The following CDH13 variants were observed in gnomAD, a reference collection of about 807,000 sequenced individuals.
CDH13 encodes the protein cadherin 13.
In CDH13, 24 loss-of-function variants were observed where a neutral mutation model predicts 63.8. The observed-to-expected ratio is 0.38, with a 90% CI of 0.27 to 0.53. The LOEUF (loss-of-function observed/expected upper bound fraction) is 0.53. Among genes scored for constraint, CDH13 ranks in the 20% least tolerant of loss-of-function variants. The probability of loss-of-function intolerance (pLI) is 0.85; values close to 1 mark genes in which losing one functional copy is unlikely to be tolerated. For synonymous variants in CDH13, 503 were observed against 355.3 expected, an observed-to-expected ratio of 1.42 and a Z score of -4.67; for missense variants, 1,049 against 903.1, an observed-to-expected ratio of 1.16 and a Z score of -2.07.
intron 1 of CDH13, among the ~76,000 whole-genome samples, chr16:82,855,018 C>A (rs974140324): frequency 6.6e-6 from 1 of 152,122 alleles, no homozygotes; most frequent in Non-Finnish European, 1.5e-5. Flanking sequence ...ATTCTTACCT[C>A]ACTAAGTCAC....
chr16:83,062,511 T>TC (rs2151525657), intron 3 of CDH13, among the ~76,000 whole-genome samples: 1 of 152,240 alleles, frequency 6.6e-6, no homozygotes, highest in South Asian at 2.1e-4. Context: ...TGTCTCATGG[T>TC]CCCAGGGATC....
chr16:83,606,615 T>A (rs891560795), intron 8 of CDH13, among the ~76,000 whole-genome samples: 3 of 151,428 alleles, frequency 2.0e-5, no homozygotes, highest in African/African-American at 7.3e-5. Context: ...TAGTCCCAGC[T>A]ACCTGGGAGG....
intron 5 of CDH13, among the ~76,000 whole-genome samples, chr16:83,280,190 A>G (rs949686931): frequency 4.6e-5 from 7 of 152,192 alleles, no homozygotes; most frequent in Admixed American, 1.3e-4. Flanking sequence ...CATTTTACCT[A>G]CTGCAGAACT....
At chr16:82,689,477 C>A (rs1915420509) in intron 1 of CDH13, among the ~76,000 whole-genome samples, 1 of 152,144 alleles carries the variant, frequency 6.6e-6, no homozygotes, top group Non-Finnish European at 1.5e-5. Context: ...CAAGTCTCTT[C>A]CAAACTGAAT....
At chr16:83,111,301 A>G (rs2035046233) in intron 3 of CDH13, among the ~76,000 whole-genome samples, 2 of 152,376 alleles carry the variant, frequency 1.3e-5, no homozygotes, top group Middle Eastern at 3.4e-3. Flanking sequence ...TAGTGCCATG[A>G]TAGAAGAATG....
chr16:82,822,848 T>C (rs2038066442), intron 1 of CDH13, among the ~76,000 whole-genome samples: 1 of 152,234 alleles, frequency 6.6e-6, no homozygotes, highest in Non-Finnish European at 1.5e-5. Flanking sequence ...ACCATTTTAT[T>C]ATCGTCTCTC....
intron 7 of CDH13, among the ~76,000 whole-genome samples, chr16:83,568,016 T>G (rs1420773064): frequency 6.6e-6 from 1 of 152,166 alleles, no homozygotes; most frequent in Admixed American, 6.5e-5. Flanking sequence ...GTACACCTCA[T>G]TACTTCACCT....
chr16:82,880,383 C>T (rs566423385), intron 2 of CDH13, among the ~76,000 whole-genome samples: 4 of 152,232 alleles, frequency 2.6e-5, no homozygotes, highest in African/African-American at 4.8e-5. Context: ...CTTCATATAT[C>T]GGTGGTACTA....
At chr16:82,836,646 A>G (rs2038779911) in intron 1 of CDH13, among the ~76,000 whole-genome samples, 1 of 152,118 alleles carries the variant, frequency 6.6e-6, no homozygotes, top group Non-Finnish European at 1.5e-5. Context: ...GGCATTTTTT[A>G]CTGCTGCCTT....
intron 4 of CDH13, among the ~76,000 whole-genome samples, chr16:83,190,533 G>T (rs1426744669): frequency 6.6e-6 from 1 of 152,106 alleles, no homozygotes; most frequent in African/African-American, 2.4e-5. Context: ...TACTGTTCTA[G>T]GTACATATGA....
At chr16:83,110,255 T>G (rs1432223645) in intron 3 of CDH13, among the ~76,000 whole-genome samples, 2 of 152,218 alleles carry the variant, frequency 1.3e-5, no homozygotes, top group East Asian at 1.9e-4. Context: ...AACTGCTGCT[T>G]CTTTAAAATA....
At chr16:82,701,681 G>T (rs1279932404) in intron 1 of CDH13, among the ~76,000 whole-genome samples, 1 of 152,074 alleles carries the variant, frequency 6.6e-6, no homozygotes, top group African/African-American at 2.4e-5. Flanking sequence ...AGCAATCCCA[G>T]ACTCACAGCC....
intron 1 of CDH13, among the ~76,000 whole-genome samples, chr16:82,633,009 A>G (rs1256096523): frequency 6.6e-6 from 1 of 152,164 alleles, no homozygotes; most frequent in Non-Finnish European, 1.5e-5. Context: ...ATCTGACAGG[A>G]GGCAGAGCCC....
intron 7 of CDH13, among the ~76,000 whole-genome samples, chr16:83,541,981 C>G (rs1598259049): frequency 6.6e-6 from 1 of 152,324 alleles, no homozygotes; most frequent in East Asian, 1.9e-4. Context: ...TCAATAAATA[C>G]TAGCTATTAT....
chr16:83,292,506 G>A (rs1030948253), intron 5 of CDH13, among the ~76,000 whole-genome samples: 9 of 152,200 alleles, frequency 5.9e-5, no homozygotes, highest in East Asian at 3.9e-4. Flanking sequence ...GGGCCACAGC[G>A]ACAAAAAGTG....
intron 7 of CDH13, among the ~76,000 whole-genome samples, chr16:83,554,302 C>T (rs1296874672): frequency 6.6e-6 from 1 of 151,834 alleles, no homozygotes; most frequent in African/African-American, 2.4e-5. Flanking sequence ...CAGGAATATG[C>T]ACTGGCAGGC....
intron 5 of CDH13, among the ~76,000 whole-genome samples, chr16:83,275,614 C>T (rs2088962513): frequency 2.0e-5 from 3 of 152,194 alleles, no homozygotes; most frequent in East Asian, 1.9e-4. Context: ...CACCATTTTC[C>T]TCCTGGCATT....
At chr16:83,503,044 T>C (rs2074318177) in intron 7 of CDH13, among the ~76,000 whole-genome samples, 1 of 152,176 alleles carries the variant, frequency 6.6e-6, no homozygotes, top group Non-Finnish European at 1.5e-5. Context: ...AAATCCAGCC[T>C]TACAAAGGCT....
intron 8 of CDH13, among the ~76,000 whole-genome samples, chr16:83,647,557 T>C (rs1278926118): frequency 6.6e-6 from 1 of 152,182 alleles, no homozygotes; most frequent in Non-Finnish European, 1.5e-5. Flanking sequence ...TTGAACTGAG[T>C]TACTTATGAG....
Sources: allele counts gnomAD v4.1 joint callset (sites outside exome capture counted in the v4.1 genomes callset), GRCh38; gene constraint gnomAD v4.1.1; transcripts MANE v1.5; gene names NCBI Gene and HGNC (gene_info 2026-07-23, HGNC 2026-07-21).